Variants in GPATCH2 observed in about 807,000 individuals in gnomAD.
GPATCH2 encodes G-patch domain containing 2, also known as G patch domain-containing protein 2.
A neutral mutation model predicts 58.0 loss-of-function variants in GPATCH2; 51 were observed. That is an observed-to-expected ratio of 0.88 (90% CI 0.70 to 1.11). The LOEUF is 1.11. Ranked by LOEUF, GPATCH2 falls within the 50% of genes most tolerant of loss-of-function variation. The pLI, the probability that GPATCH2 is intolerant of heterozygous loss-of-function variation, is 0.00. For synonymous variants in GPATCH2, 222 were observed against 218.5 expected (o/e 1.02, Z -0.14); for missense variants, 625 against 652.2 (o/e 0.96, Z 0.45).
intron 5 of GPATCH2, among the ~76,000 whole-genome samples, chr1:217,545,431 C>A (rs1226698859): frequency 6.6e-6 from 1 of 152,200 alleles, no homozygotes; most frequent in Non-Finnish European, 1.5e-5. Flanking sequence ...GGTATTTGGG[C>A]AGCACCTAGA....
chr1:217,611,098 C>G lies in GPATCH2; in HGVS notation c.836-27G>C, dbSNP rs541720953. The G allele has an allele frequency of 7.2e-5, 113 of 1,577,716 alleles. 2 individuals are homozygous for G. Among genetic ancestry groups the G allele is most frequent in the Admixed American group, 4.5e-4 (25 of 55,708 alleles). On this transcript the variant is annotated intron_variant, in intron 3 of 9. Transcript: ENST00000366935. ...TGTGCAAATACAAGAAACCCCCCCC[C>G]ACCAAAGACTCAGTTTTATCATCCA...
intron 5 of GPATCH2, among the ~76,000 whole-genome samples, chr1:217,544,045 A>T (rs552274615): frequency 1.1e-4 from 16 of 152,310 alleles, no homozygotes; most frequent in African/African-American, 3.4e-4. Flanking sequence ...ACCTTTATAA[A>T]GTCTTAAAAA....
At chr1:217,467,295 A>G (rs533269128) in intron 8 of GPATCH2, among the ~76,000 whole-genome samples, 2 of 152,330 alleles carry the variant, frequency 1.3e-5, no homozygotes, top group East Asian at 3.9e-4. Context: ...GAGTATTTTT[A>G]TATTATTATA....
At chr1:217,453,962 G>T (rs1659795708) in intron 8 of GPATCH2, among the ~76,000 whole-genome samples, 1 of 152,168 alleles carries the variant, frequency 6.6e-6, no homozygotes, top group Non-Finnish European at 1.5e-5. Flanking sequence ...CTGGCATTTG[G>T]CAAGAACACT....
chr1:217,602,761 G>T (rs924345530), intron 5 of GPATCH2, among the ~76,000 whole-genome samples: 3 of 152,116 alleles, frequency 2.0e-5, no homozygotes, highest in African/African-American at 4.8e-5. Flanking sequence ...GATAGAAGCA[G>T]TAAAACATTT....
At chr1:217,508,622 G>A (rs1465046392) in intron 6 of GPATCH2, among the ~76,000 whole-genome samples, 4 of 152,018 alleles carry the variant, frequency 2.6e-5, no homozygotes, top group Non-Finnish European at 5.9e-5. Flanking sequence ...TTAATAAGAA[G>A]TAACTCCATT....
intron 5 of GPATCH2, among the ~76,000 whole-genome samples, chr1:217,568,107 ACT>A (rs765986501): frequency 1.8e-4 from 28 of 152,098 alleles, no homozygotes; most frequent in Non-Finnish European, 3.7e-4. Flanking sequence ...ATAGAGCAAG[ACT>A]CCGTCTCAAA....
chr1:217,517,263 C>A (rs1015635616), intron 5 of GPATCH2, among the ~76,000 whole-genome samples: 7 of 151,952 alleles, frequency 4.6e-5, no homozygotes, highest in East Asian at 3.8e-4. Flanking sequence ...AGTTCAATTT[C>A]TGTTTTACTT....
At chr1:217,463,608 C>T (rs1660298404) in intron 8 of GPATCH2, among the ~76,000 whole-genome samples, 1 of 129,506 alleles carries the variant, frequency 7.7e-6, no homozygotes, top group Non-Finnish European at 1.6e-5. Flanking sequence ...AGTTCAAGAC[C>T]AGCCTGGGCA....
rs56870088 is a variant in GPATCH2, at chr1:217,506,440, T to C, written c.1167-8045A>G. Among the ~76,000 whole-genome samples the C allele has an allele frequency of 9.5e-3, 1,448 of 152,168 alleles. 23 individuals are homozygous for C. Among genetic ancestry groups the C allele is most frequent in the African/African-American group, 0.033 (1,350 of 41,514 alleles). ...ATATACTATAACAGGGTTTCATAGA[T>C]TGAGATATGGAAATAAAAATTAGGG... On this transcript the variant is annotated intron_variant, in intron 6 of 9. Transcript: ENST00000366935.
rs572025129 is a variant in GPATCH2 at position 217,491,645 on chromosome 1, A to G, written c.1277+35T>C. 14 of 1,021,628 alleles carry G rather than the reference A, an allele frequency of 1.4e-5. No individual in the cohort carries two copies. In the African/African-American group the frequency reaches 2.3e-4, roughly 16 times the overall value. 63.3% of individuals were successfully genotyped at this position (1,021,628 alleles called of 1,614,324 possible). On this transcript the variant is annotated intron_variant, in intron 8 of 9. Coordinates refer to ENST00000366935, the MANE Select transcript of GPATCH2 (RefSeq NM_018040.5). ...TTCTTATAGGCATAGAAAAAAAGAA[A>G]ATGAATGAATAAAAAGCGATTTTGA...
intron 5 of GPATCH2, among the ~76,000 whole-genome samples, chr1:217,603,509 T>G (rs1165939321): frequency 6.6e-6 from 1 of 152,194 alleles, no homozygotes; most frequent in Non-Finnish European, 1.5e-5. Context: ...TTAATAGAAC[T>G]GAATGAAAAA....
intron 5 of GPATCH2, among the ~76,000 whole-genome samples, chr1:217,532,020 CTG>C (rs1664216224): frequency 6.6e-6 from 1 of 152,196 alleles, no homozygotes. Context: ...AAATAGGATA[CTG>C]TCTATCATAG....
intron 9 of GPATCH2, among the ~76,000 whole-genome samples, chr1:217,445,481 C>A (rs966389906): frequency 5.3e-5 from 8 of 152,030 alleles, no homozygotes; most frequent in African/African-American, 1.9e-4. Flanking sequence ...CTTTTCTTCA[C>A]CTTTACAGAT....
intron 8 of GPATCH2, among the ~76,000 whole-genome samples, chr1:217,458,275 T>C (rs891246377): frequency 1.6e-4 from 24 of 152,180 alleles, no homozygotes; most frequent in African/African-American, 5.5e-4. Flanking sequence ...CTTCATGCTT[T>C]ATCTAAAGCC....
rs187729046 is a variant in GPATCH2, at chr1:217,573,480, C to T, written c.1098+36841G>A. Among the ~76,000 whole-genome samples the T allele has an allele frequency of 4.6e-5, 7 of 152,266 alleles. No homozygotes were observed. In the East Asian group the frequency reaches 1.2e-3, roughly 25 times the overall value. Reference sequence around the variant, plus strand: ...GAAGAGGTGTTAAGTTGAATGTCATCCCCTTTCTCCTAGAATGAATGACCT... The same window carrying T: ...GAAGAGGTGTTAAGTTGAATGTCATTCCCTTTCTCCTAGAATGAATGACCT... On this transcript the variant is annotated intron_variant, in intron 5 of 9. Coordinates refer to ENST00000366935, the MANE Select transcript of GPATCH2 (RefSeq NM_018040.5).
intron 5 of GPATCH2, among the ~76,000 whole-genome samples, chr1:217,571,703 CAAAAAA>C (rs11463536): frequency 1.4e-5 from 1 of 73,814 alleles, no homozygotes; most frequent in African/African-American, 5.3e-5. Context: ...AAAACGAAAC[CAAAAAA>C]AAAAAAAAAA....
chr1:217,620,545 A>G (rs1669134912), intron 1 of GPATCH2, 46 bp from the exon 2 acceptor site: 2 of 1,062,610 alleles, frequency 1.9e-6, no homozygotes, highest in South Asian at 1.5e-5. Flanking sequence ...AGTCTTAACC[A>G]CAGTAACCTC....
intron 5 of GPATCH2, among the ~76,000 whole-genome samples, chr1:217,530,507 C>T (rs1664136525): frequency 1.3e-5 from 2 of 152,110 alleles, no homozygotes; most frequent in South Asian, 4.1e-4. Context: ...ACAGTAGATG[C>T]TAGCAAGAAT....
Sources: gnomAD v4.1 joint callset for allele counts (sites outside exome capture counted in the v4.1 genomes callset) on GRCh38, gnomAD v4.1.1 for gene constraint, MANE v1.5 for transcripts, NCBI Gene and HGNC (gene_info 2026-07-23, HGNC 2026-07-21) for gene names.